The following JAKMIP1 variants were observed in gnomAD, a reference collection of about 807,000 sequenced individuals.
The protein encoded by JAKMIP1 is janus kinase and microtubule-interacting protein 1.
In JAKMIP1, 33 loss-of-function variants were observed where a neutral mutation model predicts 113.0. The observed-to-expected ratio is 0.29, with a 90% CI of 0.22 to 0.39. JAKMIP1 has a LOEUF of 0.39. JAKMIP1 is among the 10% of genes least tolerant of loss of function. The pLI, the probability that JAKMIP1 is intolerant of heterozygous loss-of-function variation, is 1.00. For synonymous variants in JAKMIP1, 480 were observed against 459.9 expected (o/e 1.04, Z -0.56); for missense variants, 813 against 1,080.5 (o/e 0.75, Z 3.47).
In JAKMIP1 at chr4:6,108,873, A is replaced by G. The variant is rs1714411162; in HGVS notation, c.130-2906T>C. ...TGTAAGAACTCATGTTTGACTTTGTATGGATATAGATGTCATATATGGAAA... is the reference window on the plus strand; with the variant it reads ...TGTAAGAACTCATGTTTGACTTTGTGTGGATATAGATGTCATATATGGAAA... On this transcript the variant is annotated intron_variant, in intron 2 of 20. Coordinates refer to ENST00000409021, the MANE Select transcript of JAKMIP1 (RefSeq NM_001099433.2). The surrounding 1 kb of genome is among the most constrained non-coding windows in gnomAD (Gnocchi z 5.6). Among the ~76,000 whole-genome samples, 2 of 152,268 alleles carry G rather than the reference A, an allele frequency of 1.3e-5. No individual in the cohort carries two copies. The highest frequency in any genetic ancestry group is 3.8e-4 in the East Asian group (2 of 5,200).
rs1578092481 is a variant in JAKMIP1, at chr4:6,050,695, G to A, written c.1807-16C>T. ...TCTCTCTCTCCTGGGGAAAAGATTC[G>A]GTTTAAAAACAGAATGTGACCGGAT... On this transcript the variant is annotated splice_polypyrimidine_tract_variant and intron_variant, in intron 13 of 20. Transcript: ENST00000409021. This position sits in a 1 kb window ranked among gnomAD's most constrained non-coding sequence, Gnocchi z 7.4. The A allele has an allele frequency of 5.2e-6, 8 of 1,532,406 alleles. No homozygotes were observed. The African/African-American group carries it at 5.5e-5, about 11-fold the overall frequency. The allele number at this position is 1,532,406 out of a possible 1,614,324, so 94.9% of individuals were successfully genotyped here.
At chr4:6,062,029 T>TA (rs1448095035) in intron 10 of JAKMIP1, among the ~76,000 whole-genome samples, 1 of 152,232 alleles carries the variant, frequency 6.6e-6, no homozygotes, top group Non-Finnish European at 1.5e-5. Flanking sequence ...TTTCATCACT[T>TA]AGTGTTAAAT....
At position 6,086,654 on chromosome 4, in the gene JAKMIP1, CTGT is replaced by C. The variant is rs1721351489; in HGVS notation, c.625-1028_625-1026del. Among the ~76,000 whole-genome samples, 1 of 152,112 alleles carries C rather than the reference CTGT, an allele frequency of 6.6e-6. No individual in the cohort carries two copies. The highest frequency in any genetic ancestry group is 1.5e-5 in the Non-Finnish European group (1 of 68,032). On this transcript the variant is annotated intron_variant, in intron 3 of 20. Transcript: ENST00000409021. The surrounding 1 kb of genome is among the most constrained non-coding windows in gnomAD (Gnocchi z 4.1). The stretch of plus-strand genomic sequence containing the variant: ...TTTTCTGGATGCTCCAGTGAAGGCA[CTGT>C]CCTGGTTGAATAGCAGGCCCCCAAG...
Position 6,035,887 on chromosome 4 carries a change from C to A in JAKMIP1, c.2379+17G>T, listed in dbSNP as rs1478012254. Reference sequence around the variant, plus strand: ...GGGTGCCGGGGTGCTGTGGGCACAGCCGCTGTTGCCGCCTACCTGCTGGGC... The same window carrying A: ...GGGTGCCGGGGTGCTGTGGGCACAGACGCTGTTGCCGCCTACCTGCTGGGC... On this transcript the variant is annotated intron_variant, in intron 19 of 20. Coordinates refer to ENST00000409021, the MANE Select transcript of JAKMIP1 (RefSeq NM_001099433.2). 1 of 1,541,164 alleles carries A rather than the reference C, an allele frequency of 6.5e-7. No individual in the cohort carries two copies.
chr4:6,191,057 T>C (rs541642676), intron 1 of JAKMIP1, among the ~76,000 whole-genome samples: 7 of 152,174 alleles, frequency 4.6e-5, no homozygotes, highest in Admixed American at 1.3e-4. Context: ...GTGCAGAAAA[T>C]GAACGTGAGG....
intron 1 of JAKMIP1, among the ~76,000 whole-genome samples, chr4:6,195,124 G>C (rs1413196181): frequency 1.3e-5 from 2 of 152,216 alleles, no homozygotes; most frequent in African/African-American, 2.4e-5. Context: ...AGGGTTCAGG[G>C]GGCTGCAGAC....
chr4:6,172,055 A>G (rs1458266219), intron 1 of JAKMIP1, among the ~76,000 whole-genome samples: 1 of 152,176 alleles, frequency 6.6e-6, no homozygotes, highest in East Asian at 1.9e-4. Context: ...GACACATCCC[A>G]CACCAGGCCA....
At position 6,081,707 on chromosome 4, in the gene JAKMIP1, TCTC is replaced by T; in HGVS notation, c.1000_1002del (p.Glu334del). The T allele has an allele frequency of 6.2e-7, 1 of 1,614,158 alleles. No individual in the cohort carries two copies. Among genetic ancestry groups the T allele is most frequent in the Non-Finnish European group, 8.5e-7 (1 of 1,180,028 alleles). On this transcript the variant is annotated inframe_deletion, in exon 6 of 21. Transcript: ENST00000409021. This position sits in a 1 kb window ranked among gnomAD's most constrained non-coding sequence, Gnocchi z 4.6. Reference sequence around the variant, plus strand: ...TTCTTCTTGTTCATCCGCTTGTTCTTCTCCACCAGGGGCTTCAGCTGAACCTCG... The same window carrying T: ...TTCTTCTTGTTCATCCGCTTGTTCTTCACCAGGGGCTTCAGCTGAACCTCG...
intron 3 of JAKMIP1, among the ~76,000 whole-genome samples, chr4:6,102,694 G>A (rs1452504659): frequency 8.2e-6 from 1 of 122,054 alleles, no homozygotes; most frequent in Non-Finnish European, 1.7e-5. Context: ...CAAATAATGA[G>A]TTTCCCTTTT....
At chr4:6,134,838 C>G (rs146928946) in intron 1 of JAKMIP1, among the ~76,000 whole-genome samples, 11 of 151,270 alleles carry the variant, frequency 7.3e-5, no homozygotes, top group African/African-American at 1.7e-4. Context: ...CTCTCTCCCC[C>G]ACCAGAGCCT....
At chr4:6,038,522 C>T (rs576527102) in intron 18 of JAKMIP1, among the ~76,000 whole-genome samples, 2 of 152,274 alleles carry the variant, frequency 1.3e-5, no homozygotes, top group South Asian at 4.1e-4. Context: ...AGAGGCTAAC[C>T]GGTATCCCTC....
intron 1 of JAKMIP1, among the ~76,000 whole-genome samples, chr4:6,146,840 T>C (rs1720920201): frequency 1.3e-5 from 2 of 152,188 alleles, no homozygotes; most frequent in South Asian, 4.1e-4. Context: ...TCCCTCTCCC[T>C]ACCGTACACT....
At chr4:6,177,732 C>T (rs1350866485) in intron 1 of JAKMIP1, among the ~76,000 whole-genome samples, 1 of 152,164 alleles carries the variant, frequency 6.6e-6, no homozygotes, top group Non-Finnish European at 1.5e-5. Context: ...ATCCCCCAAA[C>T]ATCAGTGCAA....
intron 1 of JAKMIP1, among the ~76,000 whole-genome samples, chr4:6,166,993 G>A (rs997874071): frequency 1.3e-5 from 2 of 151,526 alleles, no homozygotes; most frequent in Non-Finnish European, 2.9e-5. Context: ...CAGAATAGGG[G>A]TTATAATGAC....
In JAKMIP1 at chr4:6,042,782, G is replaced by C. The variant is rs1274428054; in HGVS notation, c.2029-555C>G. Among the ~76,000 whole-genome samples the C allele has an allele frequency of 6.6e-6, 1 of 152,112 alleles. No individual in the cohort carries two copies. Among genetic ancestry groups the C allele is most frequent in the Non-Finnish European group, 1.5e-5 (1 of 68,026 alleles). On this transcript the variant is annotated intron_variant, in intron 16 of 20. Coordinates refer to ENST00000409021, the MANE Select transcript of JAKMIP1 (RefSeq NM_001099433.2). This position sits in a 1 kb window ranked among gnomAD's most constrained non-coding sequence, Gnocchi z 5.2. Reference sequence around the variant, plus strand: ...GCAACGTGAGTTGGAGCAGCCCAGAGTGCCTGGTGCCACCATGAGAGGAGG... The same window carrying C: ...GCAACGTGAGTTGGAGCAGCCCAGACTGCCTGGTGCCACCATGAGAGGAGG...
At chr4:6,058,105 G>A (rs969106258) in intron 11 of JAKMIP1, among the ~76,000 whole-genome samples, 4 of 152,224 alleles carry the variant, frequency 2.6e-5, no homozygotes, top group Non-Finnish European at 5.9e-5. Flanking sequence ...AGTGCTTGCT[G>A]GATGAATGGA....
Position 6,116,840 on chromosome 4 carries a change from A to G in JAKMIP1, c.-147-3843T>C, listed in dbSNP as rs568838761. Among the ~76,000 whole-genome samples the G allele has an allele frequency of 1.3e-5, 2 of 152,342 alleles. No homozygotes were observed. The highest frequency in any genetic ancestry group is 4.1e-4 in the South Asian group (2 of 4,834). The stretch of plus-strand genomic sequence containing the variant: ...GGTAGGTGCTGGAAAGAACAAGTCT[A>G]CAGGGCACTGTGATACACAGCTATC... On this transcript the variant is annotated intron_variant, in intron 1 of 20. Transcript: ENST00000409021. This position sits in a 1 kb window ranked among gnomAD's most constrained non-coding sequence, Gnocchi z 5.1.
At chr4:6,039,675 T>G (rs1714058685) in intron 18 of JAKMIP1, among the ~76,000 whole-genome samples, 1 of 152,166 alleles carries the variant, frequency 6.6e-6, no homozygotes, top group South Asian at 2.1e-4. Context: ...TTTAGTTCAT[T>G]CTGATCTTCT....
In JAKMIP1 at chr4:6,176,125, T is replaced by G. The variant is rs1186883930; in HGVS notation, c.-148+24128A>C. On this transcript the variant is annotated intron_variant, in intron 1 of 20. Transcript: ENST00000409021. The surrounding 1 kb of genome is among the most constrained non-coding windows in gnomAD (Gnocchi z 5.5). Reference sequence around the variant, plus strand: ...TCCCCTGGAGTAGTCAGAGATCTAGTGAGAAGAAGGGACTACAAATCTCTA... The same window carrying G: ...TCCCCTGGAGTAGTCAGAGATCTAGGGAGAAGAAGGGACTACAAATCTCTA... 1.3e-5 allele frequency among the ~76,000 whole-genome samples: 2 copies of G among 152,190 alleles called. No individual in the cohort carries two copies. Among genetic ancestry groups the G allele is most frequent in the Non-Finnish European group, 2.9e-5 (2 of 68,034 alleles).
Sources: allele counts gnomAD v4.1 joint callset (sites outside exome capture counted in the v4.1 genomes callset), GRCh38; gene constraint gnomAD v4.1.1; non-coding constraint Gnocchi (gnomAD v3.1); transcripts MANE v1.5; gene names NCBI Gene and HGNC (gene_info 2026-07-23, HGNC 2026-07-21).